POLR3D: variants seen among roughly 807,000 people sequenced by gnomAD.
POLR3D encodes the protein RNA polymerase III subunit D, also known as DNA-directed RNA polymerase III subunit RPC4.
Under a neutral mutation model 44.5 loss-of-function variants are expected in POLR3D, and 42 were observed. That is an observed-to-expected ratio of 0.94 (90% CI 0.74 to 1.22). The LOEUF is 1.22. Among genes scored for constraint, POLR3D ranks in the 50% most tolerant of loss-of-function variants. The pLI is 0.00. For synonymous variants in POLR3D, 217 were observed against 198.1 expected (o/e 1.10, Z -0.80); for missense variants, 507 against 505.2 (o/e 1.00, Z -0.03).
chr8:22,246,728 G>A (rs1213042819), intron 2 of POLR3D, among the ~76,000 whole-genome samples: 1 of 152,246 alleles, frequency 6.6e-6, no homozygotes, highest in Non-Finnish European at 1.5e-5. Context: ...ACAGGCATGA[G>A]CCACAACGCC....
At position 22,250,765 on chromosome 8, in the gene POLR3D, A is replaced by G. The variant is rs1830098556; in HGVS notation, c.*247A>G. Reference sequence around the variant, plus strand: ...ACTTGGCCCTGCTATTTATTTTTGTATTTATGTCTTAATCTCTTCCACTGA... The same window carrying G: ...ACTTGGCCCTGCTATTTATTTTTGTGTTTATGTCTTAATCTCTTCCACTGA... On this transcript the variant is annotated 3_prime_UTR_variant, in exon 9 of 9. Coordinates refer to ENST00000306433, the MANE Select transcript of POLR3D (RefSeq NM_001722.3). The G allele has an allele frequency of 5.8e-6, 3 of 516,224 alleles. No individual in the cohort carries two copies. The highest frequency in any genetic ancestry group is 3.9e-5 in the African/African-American group (2 of 51,858). 32.0% of individuals were successfully genotyped at this position (516,224 alleles called of 1,614,324 possible).
Position 22,247,880 on chromosome 8 carries a change from A to T in POLR3D, c.233A>T (p.Lys78Met). 3 of 1,614,038 alleles carry T rather than the reference A, an allele frequency of 1.9e-6. No homozygotes were observed. Among genetic ancestry groups the T allele is most frequent in the Non-Finnish European group, 2.5e-6 (3 of 1,179,984 alleles). Residue 78 changes from lysine (K) to methionine (M), a missense_variant, in exon 4 of 9, where the codon AAG (lysine) becomes ATG (methionine). By Grantham distance (95) the Lys-to-Met change is moderately conservative (BLOSUM62 -1). Transcript: ENST00000306433. ...KEEPKEEVTV[K>M]KEKRERDRDR... ...AGGCCCAAGGAAGAAGTAACTGTCA[A>T]GAAGGAGAAGCGTGAAAGGGACAGA...
Position 22,250,195 on chromosome 8 carries a change from G to A in POLR3D, c.1042G>A (p.Val348Met), listed in dbSNP as rs1053303048. ...CCTCTTGGGCAAGGTGACTCTGGAC[G>A]TGACCATGGGAACTGCCTGCTCCTT... Reference protein sequence around the residue: ...QLLLGKVTLDVTMGTACSFLQ... With the variant: ...QLLLGKVTLDMTMGTACSFLQ... Residue 348 changes from valine to methionine, a missense_variant, in exon 8 of 9, where the codon GTG becomes ATG. By Grantham distance (21) the Val-to-Met change is conservative. Coordinates refer to ENST00000306433, the MANE Select transcript of POLR3D (RefSeq NM_001722.3). 5.6e-6 allele frequency: 9 copies of A among 1,614,074 alleles called. No homozygotes were observed. Among genetic ancestry groups the A allele is most frequent in the Non-Finnish European group, 7.6e-6 (9 of 1,180,034 alleles).
intron 2 of POLR3D, 30 bp from the exon 3 acceptor site, chr8:22,247,191 A>C: frequency 6.3e-7 from 1 of 1,584,546 alleles, no homozygotes; most frequent in Non-Finnish European, 8.7e-7. Flanking sequence ...AGAACCTAAC[A>C]CATCAGTGAC....
In POLR3D at chr8:22,252,936, T is replaced by G. The variant is rs184405811; in HGVS notation, c.*2418T>G. 1 of 152,326 alleles carries G rather than the reference T, an allele frequency of 6.6e-6. No individual in the cohort carries two copies. The highest frequency in any genetic ancestry group is 1.9e-4 in the East Asian group (1 of 5,192). 9.4% of individuals were successfully genotyped at this position (152,326 alleles called of 1,614,324 possible). Reference sequence around the variant, plus strand: ...TTAAGCTTGATTTTATTTATTTTATTTTATGTAAGAGTGAGACAGTAGTAG... The same window carrying G: ...TTAAGCTTGATTTTATTTATTTTATGTTATGTAAGAGTGAGACAGTAGTAG... On this transcript the variant is annotated 3_prime_UTR_variant, in exon 9 of 9. Transcript: ENST00000306433.
Position 22,248,024 on chromosome 8 carries a change from C to G in POLR3D, c.361+16C>G. On this transcript the variant is annotated intron_variant, in intron 4 of 8. Transcript: ENST00000306433. ...AAGAAAAAAGGTATAAGGAAGGAAT[C>G]AGTGAATTTCAGTTCAGACTGCCCC... The G allele has an allele frequency of 6.2e-7, 1 of 1,610,910 alleles. No individual in the cohort carries two copies. The highest frequency in any genetic ancestry group is 2.2e-5 in the East Asian group (1 of 44,788).
At position 22,251,191 on chromosome 8, in the gene POLR3D, T is replaced by G. The variant is rs898003449; in HGVS notation, c.*673T>G. ...TACCTGAGTCTATTTTCAAACAAAA[T>G]AGAGATTCTAAATCTCCCAGAAGCA... On this transcript the variant is annotated 3_prime_UTR_variant, in exon 9 of 9. Transcript: ENST00000306433. 4.6e-5 allele frequency: 7 copies of G among 153,026 alleles called. No homozygotes were observed. Among genetic ancestry groups the G allele is most frequent in the African/African-American group, 1.7e-4 (7 of 41,458 alleles). The allele number at this position is 153,026 out of a possible 1,614,324, so 9.5% of individuals were successfully genotyped here. A position where few individuals can be genotyped will look rare whatever the true frequency, so the allele number is the denominator to read the frequency against.
rs1052839050 is a variant in POLR3D at position 22,245,436 on chromosome 8, C to T, written c.-5-9C>T. On this transcript the variant is annotated splice_polypyrimidine_tract_variant and intron_variant, in intron 1 of 8. Transcript: ENST00000306433. ...CCCTCTGGTGATCTCGTCGCCCCTT[C>T]TCTCCCAGGCAACATGTCGGAAGGA... The T allele has an allele frequency of 6.9e-6, 9 of 1,308,940 alleles. No homozygotes were observed. The Admixed American group carries it at 2.1e-4, about 31-fold the overall frequency. 81.1% of individuals were successfully genotyped at this position (1,308,940 alleles called of 1,614,324 possible). A position where few individuals can be genotyped will look rare whatever the true frequency, so the allele number is the denominator to read the frequency against.
rs750545610 is a variant in POLR3D, at chr8:22,250,181, A to G, written c.1028A>G (p.Lys343Arg). 3.1e-6 allele frequency: 5 copies of G among 1,614,182 alleles called. No individual in the cohort carries two copies. The highest frequency in any genetic ancestry group is 2.2e-5 in the South Asian group (2 of 91,090). The change falls in exon 8 of 9, where the codon AAG becomes AGG. Residue 343 changes from lysine (K) to arginine (R), a missense_variant. Coordinates refer to ENST00000306433, the MANE Select transcript of POLR3D (RefSeq NM_001722.3). The part of the protein sequence containing the change: ...KSGRVQLLLG[K>R]VTLDVTMGTA... ...GGAAGGGTGCAACTCCTCTTGGGCA[A>G]GGTGACTCTGGACGTGACCATGGGA...
intron 1 of POLR3D, 93 bp downstream of exon 1, chr8:22,245,276 A>T (rs1586505272): frequency 3.6e-6 from 2 of 556,546 alleles, no homozygotes; most frequent in East Asian, 6.0e-5. Flanking sequence ...GTCGCGAGCC[A>T]AAGGCTCTCA....
chr8:22,248,075 T>G, intron 4 of POLR3D, 67 bp downstream of exon 4: 1 of 1,606,578 alleles, frequency 6.2e-7, no homozygotes, highest in Non-Finnish European at 8.5e-7. Flanking sequence ...CAGTGGAATT[T>G]CCCCACTCCC....
Position 22,251,373 on chromosome 8 carries a change from A to T in POLR3D, c.*855A>T, listed in dbSNP as rs1830104274. The T allele has an allele frequency of 6.5e-6, 1 of 153,608 alleles. No individual in the cohort carries two copies. Among genetic ancestry groups the T allele is most frequent in the Non-Finnish European group, 1.5e-5 (1 of 68,060 alleles). The allele number at this position is 153,608 out of a possible 1,614,324, so 9.5% of individuals were successfully genotyped here. On this transcript the variant is annotated 3_prime_UTR_variant, in exon 9 of 9. Transcript: ENST00000306433. Reference sequence around the variant, plus strand: ...GGTGCCTCCTGTGTGAGTTACTGTAATAGCTGCAGGTAATAGAAAGGAAGA... The same window carrying T: ...GGTGCCTCCTGTGTGAGTTACTGTATTAGCTGCAGGTAATAGAAAGGAAGA...
At chr8:22,250,025 T>A in intron 7 of POLR3D, 50 bp from the exon 8 acceptor site, 1 of 1,603,732 alleles carries the variant, frequency 6.2e-7, no homozygotes, top group African/African-American at 1.3e-5. Flanking sequence ...TCATGAAAGA[T>A]GGAGGAAAGA....
rs186215067 is a variant in POLR3D, at chr8:22,250,425, T to C, written c.1104T>C (p.Ser368=). ...QELVSVGLGD[S]RTGEMTVLGH... is the part of the protein sequence containing the mutation. ...TGGTGTCCGTGGGCCTTGGAGACAG[T>C]AGGACAGGGGAGATGACAGTCCTGG... Residue 368 remains serine (S), a synonymous_variant, in exon 9 of 9, where the codon AGT becomes AGC. Coordinates refer to ENST00000306433, the MANE Select transcript of POLR3D (RefSeq NM_001722.3). The C allele has an allele frequency of 1.2e-6, 2 of 1,614,136 alleles. No individual in the cohort carries two copies. Among genetic ancestry groups the C allele is most frequent in the East Asian group, 4.5e-5 (2 of 44,882 alleles).
intron 2 of POLR3D, among the ~76,000 whole-genome samples, chr8:22,246,788 G>C (rs1830048195): frequency 6.6e-6 from 1 of 152,226 alleles, no homozygotes; most frequent in African/African-American, 2.4e-5. Context: ...GAAAATTGTG[G>C]TGACAGTCCA....
rs139364694 is a variant in POLR3D, at chr8:22,248,584, A to G, written c.590A>G (p.Asp197Gly). ...WLFKEENDEP[D>G]VKPWLAGPKE... ...TTTAAGGAAGAAAATGACGAACCAG[A>G]TGTTAAACCTTGGCTGGCTGGCCCC... The change falls in exon 6 of 9, where the codon GAT (aspartate) becomes GGT (glycine). Residue 197 changes from aspartate to glycine, a missense_variant. Transcript: ENST00000306433. 2 of 1,614,132 alleles carry G rather than the reference A, an allele frequency of 1.2e-6. No individual in the cohort carries two copies. The highest frequency in any genetic ancestry group is 1.7e-6 in the Non-Finnish European group (2 of 1,180,030).
chr8:22,248,629 T>C lies in POLR3D; in HGVS notation c.635T>C (p.Val212Ala). ...GGCCCCAAGGAAGAGGACATGGAGG[T>C]GGACATACCTGCTGTGAAAGGTACT... The part of the protein sequence containing the change: ...LAGPKEEDME[V>A]DIPAVKVKEE... The change falls in exon 6 of 9, where the codon GTG (valine) becomes GCG (alanine). Residue 212 changes from valine to alanine, a missense_variant. Physicochemically the swap from Val to Ala is moderately conservative, Grantham distance 64. Coordinates refer to ENST00000306433, the MANE Select transcript of POLR3D (RefSeq NM_001722.3). The C allele has an allele frequency of 1.9e-6, 3 of 1,613,444 alleles. No individual in the cohort carries two copies. Among genetic ancestry groups the C allele is most frequent in the Non-Finnish European group, 2.5e-6 (3 of 1,179,864 alleles).
chr8:22,250,309 G>C, intron 8 of POLR3D, 82 bp downstream of exon 8: 1 of 1,608,776 alleles, frequency 6.2e-7, no homozygotes, highest in Non-Finnish European at 8.5e-7. Context: ...AAGGGAGGGG[G>C]TTTCTGGGAG....
chr8:22,247,115 C>T (rs575557912), intron 2 of POLR3D, 106 bp from the exon 3 acceptor site: 14 of 750,730 alleles, frequency 1.9e-5, no homozygotes, highest in Middle Eastern at 2.4e-4. Context: ...CAACGAGAGC[C>T]GTGGTGGCCT....
Sources: gnomAD v4.1 joint callset for allele counts (sites outside exome capture counted in the v4.1 genomes callset) on GRCh38, gnomAD v4.1.1 for gene constraint, MANE v1.5 for transcripts, NCBI Gene and HGNC (gene_info 2026-07-23, HGNC 2026-07-21) for gene names.